FOXP1: variants seen among roughly 807,000 people sequenced by gnomAD.
FOXP1 encodes forkhead box P1.
A neutral mutation model predicts 98.2 loss-of-function variants in FOXP1; 15 were observed. The ratio of observed to expected loss-of-function variants is 0.15; its 90% CI spans 0.10 to 0.24. FOXP1 has a LOEUF of 0.24. FOXP1 is among the 10% of genes least tolerant of loss of function. The probability of loss-of-function intolerance (pLI) is 1.00; values close to 1 mark genes in which losing one functional copy is unlikely to be tolerated. For synonymous variants in FOXP1, 371 were observed against 314.5 expected, an observed-to-expected ratio of 1.18 and a Z score of -1.90; for missense variants, 633 against 848.5, an observed-to-expected ratio of 0.75 and a Z score of 3.15.
chr3:71,267,124 A>AGT (rs1553808466), intron 5 of FOXP1, among the ~76,000 whole-genome samples: 4,442 of 148,380 alleles, frequency 0.03, 112 homozygotes, highest in Non-Finnish European at 0.039. Flanking sequence ...TATGGGAGAG[A>AGT]GTGTGTGTGT....
At chr3:71,176,549 G>A (rs1049248258) in intron 6 of FOXP1, among the ~76,000 whole-genome samples, 6 of 151,970 alleles carry the variant, frequency 3.9e-5, no homozygotes, top group Non-Finnish European at 7.4e-5. Flanking sequence ...ACCACCAGAG[G>A]CACTGCCGAA....
At position 71,332,181 on chromosome 3, in the gene FOXP1, C is replaced by G. The variant is rs2076365970; in HGVS notation, c.-73+26969G>C. On this transcript the variant is annotated intron_variant, in intron 4 of 20. Coordinates refer to ENST00000649528, the MANE Select transcript of FOXP1 (RefSeq NM_001349338.3). ...TTTGGGTCCACACTGCCTTTATGAG[C>G]TGTAACACTCACCGCAGCTTCACTC... 2.0e-5 allele frequency: 3 copies of G among 152,792 alleles called. No individual in the cohort carries two copies. In the South Asian group the frequency reaches 6.2e-4, roughly 32 times the overall value. 9.5% of individuals were successfully genotyped at this position (152,792 alleles called of 1,614,324 possible).
At position 71,068,836 on chromosome 3, in the gene FOXP1, C is replaced by A. The variant is rs936144301; in HGVS notation, c.283-15063G>T. On this transcript the variant is annotated intron_variant, in intron 7 of 20. Coordinates refer to ENST00000649528, the MANE Select transcript of FOXP1 (RefSeq NM_001349338.3). ...GCCTACTCAGGAAAGCGCGCCTCCC[C>A]AGAAGGAGGACTGCTTTAAGTATTT... Among the ~76,000 whole-genome samples, 4 of 152,298 alleles carry A rather than the reference C, an allele frequency of 2.6e-5. No individual in the cohort carries two copies. The East Asian group carries it at 7.7e-4, about 29-fold the overall frequency.
intron 4 of FOXP1, among the ~76,000 whole-genome samples, chr3:71,320,075 C>G (rs1313202793): frequency 6.6e-6 from 1 of 152,102 alleles, no homozygotes; most frequent in Non-Finnish European, 1.5e-5. Context: ...CAAACCTACC[C>G]ACGGGGAAGA....
At chr3:71,233,592 C>CTTT (rs34054213) in intron 5 of FOXP1, among the ~76,000 whole-genome samples, 4 of 108,680 alleles carry the variant, frequency 3.7e-5, no homozygotes, top group Non-Finnish European at 3.7e-5. Context: ...ATGTTTGACT[C>CTTT]TTTTTTTTTT....
chr3:71,016,014 A>AT (rs1311089107), intron 11 of FOXP1, among the ~76,000 whole-genome samples: 6 of 152,122 alleles, frequency 3.9e-5, no homozygotes, highest in African/African-American at 1.4e-4. Flanking sequence ...TGATTTTGAG[A>AT]TTTTCTTGCT....
chr3:71,509,936 T>C (rs1289964357), intron 2 of FOXP1, among the ~76,000 whole-genome samples: 4 of 152,088 alleles, frequency 2.6e-5, no homozygotes, highest in Non-Finnish European at 5.9e-5. Context: ...CCCAGCACTT[T>C]GGGAGGCCAA....
chr3:71,119,553 G>A (rs760935793), intron 6 of FOXP1, among the ~76,000 whole-genome samples: 9 of 152,156 alleles, frequency 5.9e-5, no homozygotes, highest in Non-Finnish European at 1.3e-4. Context: ...GAAAGGAGTC[G>A]TGTTCTCTCC....
intron 3 of FOXP1, among the ~76,000 whole-genome samples, chr3:71,396,131 G>C (rs2081354930): frequency 6.6e-6 from 1 of 152,164 alleles, no homozygotes. Context: ...GCTGAGTCAA[G>C]TCTTAGAGTT....
Position 71,124,135 on chromosome 3 carries a change from ATT to A in FOXP1, c.181-11500_181-11499del, listed in dbSNP as rs143622144. ...AATTTAAAATAAAAGTTAAAGTTATATTTTTTTAAAAAAAAAATGATACAGAG... is the reference window on the plus strand; with the variant it reads ...AATTTAAAATAAAAGTTAAAGTTATATTTTTAAAAAAAAAATGATACAGAG... On this transcript the variant is annotated intron_variant, in intron 6 of 20. Transcript: ENST00000649528. Among the ~76,000 whole-genome samples, 17 of 148,360 alleles carry A rather than the reference ATT, an allele frequency of 1.1e-4. No homozygotes were observed. In the East Asian group the frequency reaches 1.6e-3, roughly 14 times the overall value.
At chr3:71,165,586 G>GT (rs1395268873) in intron 6 of FOXP1, among the ~76,000 whole-genome samples, 4 of 152,200 alleles carry the variant, frequency 2.6e-5, no homozygotes, top group Non-Finnish European at 5.9e-5. Flanking sequence ...GAAGACAGAA[G>GT]TTTCTTGTCT....
intron 3 of FOXP1, among the ~76,000 whole-genome samples, chr3:71,397,051 C>CATATATATGTGTATATATATATACACAT (rs2081530483): frequency 2.7e-5 from 1 of 36,862 alleles, no homozygotes; most frequent in African/African-American, 1.3e-4. Flanking sequence ...TATATATACA[C>CATATATATGTGTATATATATATACACAT]ATATATATGT....
chr3:71,565,505 G>A (rs1048358150), intron 2 of FOXP1, among the ~76,000 whole-genome samples: 7 of 152,082 alleles, frequency 4.6e-5, no homozygotes, highest in South Asian at 2.1e-4. Context: ...TACTCAAGAC[G>A]ACACCTGCCT....
chr3:71,344,421 T>G (rs751557834), intron 4 of FOXP1, among the ~76,000 whole-genome samples: 1 of 152,212 alleles, frequency 6.6e-6, no homozygotes, highest in Non-Finnish European at 1.5e-5. Context: ...TCAACAGACA[T>G]AATTTGGAAT....
chr3:70,974,899 G>A (rs897312827), intron 17 of FOXP1, among the ~76,000 whole-genome samples: 4 of 152,106 alleles, frequency 2.6e-5, no homozygotes, highest in Non-Finnish European at 5.9e-5. Flanking sequence ...AAGACACAAA[G>A]CCAAAACTTC....
At chr3:71,421,123 A>G (rs1372735633) in intron 3 of FOXP1, among the ~76,000 whole-genome samples, 1 of 152,246 alleles carries the variant, frequency 6.6e-6, no homozygotes, top group Non-Finnish European at 1.5e-5. Flanking sequence ...CAGACACAGC[A>G]AAGCAAAATC....
At chr3:71,006,972 G>C (rs1369612780) in intron 12 of FOXP1, among the ~76,000 whole-genome samples, 1 of 152,066 alleles carries the variant, frequency 6.6e-6, no homozygotes, top group Non-Finnish European at 1.5e-5. Context: ...TGGCAAACTT[G>C]TCTAAACTTT....
chr3:71,458,483 T>C (rs2087711141), intron 3 of FOXP1, among the ~76,000 whole-genome samples: 1 of 152,176 alleles, frequency 6.6e-6, no homozygotes, highest in Non-Finnish European at 1.5e-5. Context: ...AAACGAAATA[T>C]ACATTTTTTT....
intron 6 of FOXP1, among the ~76,000 whole-genome samples, chr3:71,135,255 C>CAA (rs11285510): frequency 0.01 from 787 of 75,816 alleles, 11 homozygotes; most frequent in African/African-American, 0.013. Flanking sequence ...GCCTCCGTCT[C>CAA]AAAAAAAAAA....
Sources: allele counts gnomAD v4.1 joint callset (sites outside exome capture counted in the v4.1 genomes callset), GRCh38; gene constraint gnomAD v4.1.1; transcripts MANE v1.5; gene names NCBI Gene and HGNC (gene_info 2026-07-23, HGNC 2026-07-21).